ETFA: variants seen among roughly 807,000 people sequenced by gnomAD.
ETFA encodes electron transfer flavoprotein subunit alpha, also known as electron transfer flavoprotein subunit alpha, mitochondrial.
A neutral mutation model predicts 46.2 loss-of-function variants in ETFA; 22 were observed. The observed-to-expected ratio is 0.48, with a 90% CI of 0.34 to 0.68. The LOEUF (loss-of-function observed/expected upper bound fraction) is 0.68, where lower values mean the gene tolerates loss of function less well. Ranked by LOEUF, ETFA falls within the 30% of genes least tolerant of loss-of-function variation. The probability of loss-of-function intolerance (pLI) is 0.01; values close to 1 mark genes in which losing one functional copy is unlikely to be tolerated. For missense variants in ETFA, 345 were observed against 401.1 expected (o/e 0.86, Z 1.19); for synonymous variants, 131 against 139.9 (o/e 0.94, Z 0.45).
At chr15:76,223,540 T>C (rs538394373) in intron 11 of ETFA, among the ~76,000 whole-genome samples, 1 of 152,290 alleles carries the variant, frequency 6.6e-6, no homozygotes, top group South Asian at 2.1e-4. Flanking sequence ...TCAGAACTTC[T>C]AAGCTGTAGG....
At chr15:76,230,869 T>C (rs1047744520) in intron 10 of ETFA, 4 of 164,770 alleles carry the variant, frequency 2.4e-5, no homozygotes, top group East Asian at 3.5e-4. Context: ...GCCCTGCTGA[T>C]ATATGAGATT....
chr15:76,269,462 T>C (rs2078087265), intron 9 of ETFA, among the ~76,000 whole-genome samples: 2 of 152,310 alleles, frequency 1.3e-5, no homozygotes, highest in Middle Eastern at 3.4e-3. Flanking sequence ...ATTTGCTTGA[T>C]ACATCGCTTC....
In ETFA at chr15:76,260,476, C is replaced by G; in HGVS notation, c.816+13936G>C. On this transcript the variant is annotated intron_variant, in intron 9 of 11. Coordinates refer to ENST00000557943, the MANE Select transcript of ETFA (RefSeq NM_000126.4). ...TGGCCTGCATGGTCATGAGAAGAGA[C>G]CACCAGTGGCTGACTCCAGGGTCCA... 4.5e-6 allele frequency: 7 copies of G among 1,557,666 alleles called. No homozygotes were observed. The South Asian group carries it at 6.8e-5, about 15-fold the overall frequency.
intron 8 of ETFA, among the ~76,000 whole-genome samples, chr15:76,280,263 T>G (rs1411798289): frequency 6.6e-6 from 1 of 152,126 alleles, no homozygotes; most frequent in African/African-American, 2.4e-5. Context: ...AAGGTTAATA[T>G]GCCCAAAACT....
chr15:76,258,644 G>A (rs2039370976), intron 9 of ETFA, among the ~76,000 whole-genome samples: 1 of 152,232 alleles, frequency 6.6e-6, no homozygotes, highest in Non-Finnish European at 1.5e-5. Context: ...GGACGGTAGA[G>A]CCTACAGGGC....
At chr15:76,295,786 G>GTTTTT (rs59517673) in intron 1 of ETFA, 49 bp from the exon 2 acceptor site, 64 of 1,102,346 alleles carry the variant, frequency 5.8e-5, no homozygotes, top group Middle Eastern at 5.3e-4. Flanking sequence ...TTGTCACAGG[G>GTTTTT]TTTTTTTTTT....
At chr15:76,250,577 G>A (rs988424123) in intron 9 of ETFA, among the ~76,000 whole-genome samples, 11 of 151,962 alleles carry the variant, frequency 7.2e-5, no homozygotes, top group Non-Finnish European at 1.5e-4. Flanking sequence ...CTGTTGATCA[G>A]GCTGGAGTGC....
Position 76,215,942 on chromosome 15 carries a change from G to C in ETFA, c.*617C>G, listed in dbSNP as rs2038892416. The stretch of plus-strand genomic sequence containing the variant: ...AAAACCTTAAAATTAAACGGAAAAT[G>C]AAATTTACCTTAAGCCAACTAAATA... On this transcript the variant is annotated 3_prime_UTR_variant, in exon 12 of 12. Transcript: ENST00000557943. The C allele has an allele frequency of 6.6e-6, 1 of 152,242 alleles. No homozygotes were observed. The highest frequency in any genetic ancestry group is 1.5e-5 in the Non-Finnish European group (1 of 68,070). The allele number at this position is 152,242 out of a possible 1,614,324, so 9.4% of individuals were successfully genotyped here.
chr15:76,274,188 A>G (rs978536106), intron 9 of ETFA: 10 of 536,718 alleles, frequency 1.9e-5, no homozygotes, highest in South Asian at 1.6e-4. Context: ...AAAATGTTCC[A>G]CTGCTTTAAA....
Position 76,215,749 on chromosome 15 carries a change from C to A in ETFA, c.*810G>T, listed in dbSNP as rs1429673362. On this transcript the variant is annotated 3_prime_UTR_variant, in exon 12 of 12. Transcript: ENST00000557943. Reference sequence around the variant, plus strand: ...AGGCCTGGGTGCTTCCTAAGAGAGCCCAAAAGAAGCCAACAGAAGGCAAAA... The same window carrying A: ...AGGCCTGGGTGCTTCCTAAGAGAGCACAAAAGAAGCCAACAGAAGGCAAAA... 1.3e-5 allele frequency: 2 copies of A among 152,030 alleles called. No individual in the cohort carries two copies. Among genetic ancestry groups the A allele is most frequent in the Non-Finnish European group, 1.5e-5 (1 of 68,116 alleles). The allele number at this position is 152,030 out of a possible 1,614,324, so 9.4% of individuals were successfully genotyped here.
At chr15:76,302,963 G>A (rs2039895524) in intron 1 of ETFA, among the ~76,000 whole-genome samples, 1 of 152,106 alleles carries the variant, frequency 6.6e-6, no homozygotes, top group Admixed American at 6.6e-5. Context: ...CTACAGATGT[G>A]TACTACCACA....
At chr15:76,295,867 T>A in intron 1 of ETFA, 130 bp from the exon 2 acceptor site, 3 of 564,512 alleles carry the variant, frequency 5.3e-6, no homozygotes, top group Non-Finnish European at 5.8e-6. Context: ...TTCTATAAAT[T>A]TATTTATAAA....
rs79352238 is a variant in ETFA at position 76,285,610 on chromosome 15, A to T, written c.664+27T>A. On this transcript the variant is annotated intron_variant, in intron 7 of 11. Coordinates refer to ENST00000557943, the MANE Select transcript of ETFA (RefSeq NM_000126.4). ...AAAAATCAAAGTATTTTCAATTTAC[A>T]TCTTTTAAGATTAATATTTCACTTA... 1.2e-3 allele frequency: 1,466 copies of T among 1,201,976 alleles called. 22 individuals are homozygous for T. In the African/African-American group the frequency reaches 0.02, roughly 16 times the overall value. 74.5% of individuals were successfully genotyped at this position (1,201,976 alleles called of 1,614,324 possible). A position where few individuals can be genotyped will look rare whatever the true frequency, so the allele number is the denominator to read the frequency against.
At chr15:76,304,678 A>C (rs1427298389) in intron 1 of ETFA, among the ~76,000 whole-genome samples, 1 of 150,924 alleles carries the variant, frequency 6.6e-6, no homozygotes, top group African/African-American at 2.4e-5. Context: ...AAAAAAAAAA[A>C]ATTGGGGGAA....
chr15:76,263,223 G>A (rs1428194606), intron 9 of ETFA, among the ~76,000 whole-genome samples: 3 of 152,250 alleles, frequency 2.0e-5, no homozygotes, highest in Admixed American at 6.5e-5. Context: ...CCATACTAGC[G>A]TTGGCCCCCT....
chr15:76,310,324 C>G (rs1428764762), intron 1 of ETFA, among the ~76,000 whole-genome samples: 1 of 129,406 alleles, frequency 7.7e-6, no homozygotes, highest in South Asian at 2.4e-4. Flanking sequence ...AGCTATGCCT[C>G]AGAGAGAAAA....
At chr15:76,238,218 T>A (rs536531030) in intron 9 of ETFA, among the ~76,000 whole-genome samples, 35 of 152,310 alleles carry the variant, frequency 2.3e-4, no homozygotes, top group African/African-American at 7.7e-4. Context: ...TTTAAATGTT[T>A]ACTTTTTGTT....
chr15:76,278,559 C>A (rs756197211), intron 8 of ETFA, among the ~76,000 whole-genome samples: 8 of 152,206 alleles, frequency 5.3e-5, no homozygotes, highest in Non-Finnish European at 1.0e-4. Flanking sequence ...ATCCAAATAT[C>A]CAACCATGTG....
chr15:76,231,423 T>G, intron 9 of ETFA, 25 bp from the exon 10 acceptor site: 1 of 1,396,310 alleles, frequency 7.2e-7, no homozygotes, highest in Non-Finnish European at 1.0e-6. Context: ...GTCACATTAT[T>G]AATATGTATT....
Sources: gnomAD v4.1 joint callset for allele counts (sites outside exome capture counted in the v4.1 genomes callset) on GRCh38, gnomAD v4.1.1 for gene constraint, MANE v1.5 for transcripts, NCBI Gene and HGNC (gene_info 2026-07-23, HGNC 2026-07-21) for gene names.